The following C1QTNF2 variants were observed in gnomAD, a reference collection of about 807,000 sequenced individuals.
The protein encoded by C1QTNF2 is C1q and TNF related 2, also known as complement C1q tumor necrosis factor-related protein 2.
In C1QTNF2, 15 loss-of-function variants were observed where a neutral mutation model predicts 17.4. The observed-to-expected ratio is 0.86, with a 90% CI of 0.58 to 1.33. The LOEUF is 1.33. Among genes scored for constraint, C1QTNF2 ranks in the 40% most tolerant of loss-of-function variants. C1QTNF2 has a pLI of 0.00. For synonymous variants in C1QTNF2, 154 were observed against 163.3 expected, an observed-to-expected ratio of 0.94 and a Z score of 0.44; for missense variants, 381 against 392.3, an observed-to-expected ratio of 0.97 and a Z score of 0.24.
intron 1 of C1QTNF2, among the ~76,000 whole-genome samples, chr5:160,369,397 T>C (rs1227048742): frequency 1.3e-5 from 2 of 152,152 alleles, no homozygotes; most frequent in Admixed American, 6.5e-5. Context: ...TGAAGGGCTG[T>C]AGTGATGCTT....
chr5:160,355,056 G>T, intron 1 of C1QTNF2, 36 bp from the exon 2 acceptor site: 1 of 1,498,470 alleles, frequency 6.7e-7, no homozygotes, highest in East Asian at 2.3e-5. Flanking sequence ...AGGTGAGTGT[G>T]GCCACCAAGC....
chr5:160,359,142 T>C (rs964122065), intron 1 of C1QTNF2, among the ~76,000 whole-genome samples: 54 of 149,502 alleles, frequency 3.6e-4, no homozygotes, highest in Admixed American at 3.5e-3. Context: ...TATTGTCCCA[T>C]TTTTTTTTTC....
chr5:160,350,342 G>A (rs1451288960), intron 2 of C1QTNF2, among the ~76,000 whole-genome samples: 3 of 152,214 alleles, frequency 2.0e-5, no homozygotes, highest in South Asian at 2.1e-4. Context: ...GTAGAGTTAC[G>A]TGTGCTCTAT....
chr5:160,370,520 C>G lies in C1QTNF2; in HGVS notation c.-18G>C. 6.7e-7 allele frequency: 1 copy of G among 1,484,592 alleles called. No individual in the cohort carries two copies. Among genetic ancestry groups the G allele is most frequent in the Non-Finnish European group, 8.9e-7 (1 of 1,127,346 alleles). The allele number at this position is 1,484,592 out of a possible 1,614,324, so 92.0% of individuals were successfully genotyped here. ...CGGTGCGGGACACTCACCCTCGCGG[C>G]TGCCCGCCACGTCCAGGGGCGTCCG... On this transcript the variant is annotated 5_prime_UTR_variant, in exon 1 of 3. Coordinates refer to ENST00000652664, the MANE Select transcript of C1QTNF2 (RefSeq NM_031908.6).
intron 1 of C1QTNF2, among the ~76,000 whole-genome samples, chr5:160,363,538 T>G (rs1764191414): frequency 6.6e-6 from 1 of 152,258 alleles, no homozygotes; most frequent in African/African-American, 2.4e-5. Flanking sequence ...GCCAGGGGTT[T>G]GTCTCAGCAA....
At chr5:160,355,262 C>A (rs1185066361) in intron 1 of C1QTNF2, 1 of 984,760 alleles carries the variant, frequency 1.0e-6, no homozygotes, top group Non-Finnish European at 1.2e-6. Flanking sequence ...GGGGGTGAGG[C>A]ATTCATCATC....
chr5:160,349,526 A>G lies in C1QTNF2; in HGVS notation c.500T>C (p.Ile167Thr), dbSNP rs748415295. ...TKSYPRERLP[I>T]KFDKILMNEG... ...GTTCATCAGAATCTTGTCAAACTTG[A>G]TGGGCAGCCGCTCCCGTGGGTAGCT... Residue 167 changes from isoleucine (I) to threonine (T), a missense_variant, in exon 3 of 3, where the codon ATC (isoleucine) becomes ACC (threonine). By Grantham distance (89) the Ile-to-Thr change is moderately conservative. Transcript: ENST00000652664. This position sits in a 1 kb window ranked among gnomAD's most constrained non-coding sequence, Gnocchi z 4.3. The G allele has an allele frequency of 1.1e-5, 17 of 1,613,586 alleles. No individual in the cohort carries two copies. In the South Asian group the frequency reaches 1.9e-4, roughly 18 times the overall value.
At chr5:160,356,817 C>T (rs548322031) in intron 1 of C1QTNF2, among the ~76,000 whole-genome samples, 1 of 152,174 alleles carries the variant, frequency 6.6e-6, no homozygotes, top group Admixed American at 6.5e-5. Flanking sequence ...GCTCTTGGAG[C>T]CTGTCCAGGC....
intron 2 of C1QTNF2, among the ~76,000 whole-genome samples, chr5:160,351,545 C>T (rs1763922443): frequency 6.6e-6 from 1 of 152,112 alleles, no homozygotes; most frequent in African/African-American, 2.4e-5. Context: ...TGTTACTGAA[C>T]ACTTGATTTT....
chr5:160,352,374 T>C (rs1763941559), intron 2 of C1QTNF2, among the ~76,000 whole-genome samples: 1 of 152,184 alleles, frequency 6.6e-6, no homozygotes, highest in Admixed American at 6.5e-5. Flanking sequence ...GAGGTGAATT[T>C]GTATGTGTGG....
In C1QTNF2 at chr5:160,354,595, A is replaced by ATATATAT. The variant is rs1393405391; in HGVS notation, c.244+172_244+173insATATATA. 1.8e-4 allele frequency among the ~76,000 whole-genome samples: 6 copies of ATATATAT among 32,740 alleles called. No homozygotes were observed. The East Asian group carries it at 3.9e-3, about 21-fold the overall frequency. 21.5% of individuals were successfully genotyped at this position (32,740 alleles called of 152,430 possible). A position where few individuals can be genotyped will look rare whatever the true frequency, so the allele number is the denominator to read the frequency against. On this transcript the variant is annotated intron_variant, in intron 2 of 2. Coordinates refer to ENST00000652664, the MANE Select transcript of C1QTNF2 (RefSeq NM_031908.6). Reference sequence around the variant, plus strand: ...CTCTGTCTCAAGGGGAAAAAAAAAAAAAGTATATATATATATATATATATA... The same window carrying ATATATAT: ...CTCTGTCTCAAGGGGAAAAAAAAAAATATATATAAGTATATATATATATATATATATA...
At chr5:160,362,050 C>T (rs756145001) in intron 1 of C1QTNF2, among the ~76,000 whole-genome samples, 101 of 152,312 alleles carry the variant, frequency 6.6e-4, no homozygotes, top group Non-Finnish European at 1.2e-3. Flanking sequence ...CAACACGCAG[C>T]TGTTGAATAA....
intron 2 of C1QTNF2, among the ~76,000 whole-genome samples, 170 bp downstream of exon 2, chr5:160,354,595 AAAG>A (rs199859473): frequency 0.057 from 1,874 of 32,620 alleles, 99 homozygotes; most frequent in African/African-American, 0.19. Context: ...AAAAAAAAAA[AAAG>A]TATATATATA....
In C1QTNF2 at chr5:160,349,603, G is replaced by GC. The variant is rs1763873419; in HGVS notation, c.422dup (p.Cys141TrpfsTer30). 4 of 1,613,516 alleles carry GC rather than the reference G, an allele frequency of 2.5e-6. No individual in the cohort carries two copies. Among genetic ancestry groups the GC allele is most frequent in the Non-Finnish European group, 3.4e-6 (4 of 1,179,924 alleles). On this transcript the variant is annotated frameshift_variant, in exon 3 of 3. Transcript: ENST00000652664. LOFTEE classifies it high-confidence loss of function. The surrounding 1 kb of genome is among the most constrained non-coding windows in gnomAD (Gnocchi z 4.3). ...ACTTGGTATGGCCACTGCCACAGCT[G>GC]CAGGGGCCTGGGAGGCCTGGCTCCC...
At chr5:160,365,670 A>G (rs1764235435) in intron 1 of C1QTNF2, among the ~76,000 whole-genome samples, 1 of 152,166 alleles carries the variant, frequency 6.6e-6, no homozygotes. Flanking sequence ...CAGCTGTTTG[A>G]CCTTGGGCCA....
chr5:160,356,729 T>A (rs1281286151), intron 1 of C1QTNF2, among the ~76,000 whole-genome samples: 1 of 152,204 alleles, frequency 6.6e-6, no homozygotes, highest in Non-Finnish European at 1.5e-5. Flanking sequence ...GGGGCATTAC[T>A]CAGGCATTGA....
intron 1 of C1QTNF2, among the ~76,000 whole-genome samples, chr5:160,357,533 C>T (rs545177228): frequency 4.6e-5 from 7 of 152,188 alleles, no homozygotes; most frequent in African/African-American, 7.2e-5. Flanking sequence ...TCCCTGTCTA[C>T]GTTAGGAGAG....
At chr5:160,367,572 A>T (rs555924934) in intron 1 of C1QTNF2, among the ~76,000 whole-genome samples, 1 of 152,224 alleles carries the variant, frequency 6.6e-6, no homozygotes, top group South Asian at 2.1e-4. Context: ...GACACAGCAG[A>T]TGATGGCCAC....
At chr5:160,360,747 T>C (rs1382319175) in intron 1 of C1QTNF2, among the ~76,000 whole-genome samples, 1 of 152,108 alleles carries the variant, frequency 6.6e-6, no homozygotes, top group Non-Finnish European at 1.5e-5. Context: ...AAATATTAGT[T>C]GGTTAAACCC....
Sources: allele counts gnomAD v4.1 joint callset (sites outside exome capture counted in the v4.1 genomes callset), GRCh38; gene constraint gnomAD v4.1.1; non-coding constraint Gnocchi (gnomAD v3.1); transcripts MANE v1.5; gene names NCBI Gene and HGNC (gene_info 2026-07-23, HGNC 2026-07-21).